The following SLC35F1 variants were observed in gnomAD, a reference collection of about 807,000 sequenced individuals.
The protein encoded by SLC35F1 is solute carrier family 35 member F1, also known as chromosome 6 open reading frame 169.
Under a neutral mutation model 48.7 loss-of-function variants are expected in SLC35F1, and 14 were observed. The observed-to-expected ratio is 0.29, with a 90% CI of 0.19 to 0.45. The LOEUF (loss-of-function observed/expected upper bound fraction) is 0.45. SLC35F1 is among the 20% of genes least tolerant of loss of function. The pLI, the probability that SLC35F1 is intolerant of heterozygous loss-of-function variation, is 1.00. For missense variants in SLC35F1, 404 were observed against 500.0 expected (o/e 0.81, Z 1.83); for synonymous variants, 190 against 202.2 (o/e 0.94, Z 0.51).
intron 1 of SLC35F1, among the ~76,000 whole-genome samples, chr6:117,975,922 C>T (rs1277301039): frequency 6.6e-6 from 1 of 152,164 alleles, no homozygotes; most frequent in Non-Finnish European, 1.5e-5. Flanking sequence ...ACATCGTACT[C>T]GCCAAAAGGT....
At chr6:118,083,236 T>G (rs1046271196) in intron 1 of SLC35F1, among the ~76,000 whole-genome samples, 2 of 152,170 alleles carry the variant, frequency 1.3e-5, no homozygotes, top group African/African-American at 4.8e-5. Context: ...AAATTTTACT[T>G]CATTTAATAT....
chr6:118,239,839 A>G (rs922570270), intron 3 of SLC35F1, among the ~76,000 whole-genome samples: 6 of 152,226 alleles, frequency 3.9e-5, no homozygotes, highest in African/African-American at 1.4e-4. Context: ...TAAAAAGGCA[A>G]GTTGAATCTA....
chr6:118,167,224 C>G (rs547246982), intron 2 of SLC35F1, among the ~76,000 whole-genome samples: 2 of 152,272 alleles, frequency 1.3e-5, no homozygotes, highest in Admixed American at 1.3e-4. Context: ...GTCCCTGTAA[C>G]TGCGCAAGAG....
intron 2 of SLC35F1, among the ~76,000 whole-genome samples, chr6:118,232,209 G>A (rs1582742675): frequency 6.6e-6 from 1 of 152,162 alleles, no homozygotes; most frequent in Admixed American, 6.5e-5. Flanking sequence ...GTGTAATAGA[G>A]TGAAGAAAGT....
At chr6:118,010,225 A>T (rs2114875550) in intron 1 of SLC35F1, among the ~76,000 whole-genome samples, 1 of 152,292 alleles carries the variant, frequency 6.6e-6, no homozygotes, top group Non-Finnish European at 1.5e-5. Flanking sequence ...TCCCAGACCT[A>T]AGTATAAATC....
intron 4 of SLC35F1, among the ~76,000 whole-genome samples, chr6:118,268,584 G>GTGTATATATATATATATA (rs1554242737): frequency 1.5e-5 from 1 of 67,274 alleles, no homozygotes; most frequent in Non-Finnish European, 2.9e-5. Flanking sequence ...TCATATATAT[G>GTGTATATATATATATATA]TATATATATA....
At chr6:118,310,537 C>A (rs1776361485) in intron 7 of SLC35F1, among the ~76,000 whole-genome samples, 3 of 151,434 alleles carry the variant, frequency 2.0e-5, no homozygotes, top group South Asian at 2.1e-4. Flanking sequence ...AAAATAAAAC[C>A]TTTCTGTCAA....
intron 1 of SLC35F1, among the ~76,000 whole-genome samples, chr6:118,132,444 A>G (rs1773727752): frequency 6.6e-6 from 1 of 152,160 alleles, no homozygotes; most frequent in Non-Finnish European, 1.5e-5. Context: ...CTTGCTGACT[A>G]TGTGATCTTG....
intron 1 of SLC35F1, among the ~76,000 whole-genome samples, chr6:117,942,570 C>A (rs1776245739): frequency 6.6e-6 from 1 of 152,156 alleles, no homozygotes; most frequent in Non-Finnish European, 1.5e-5. Context: ...TTTTGTATAG[C>A]TTTTAAAACA....
In SLC35F1 at chr6:118,081,919, A is replaced by G. The variant is rs755656553; in HGVS notation, c.174-72526A>G. Among the ~76,000 whole-genome samples the G allele has an allele frequency of 4.9e-4, 75 of 152,350 alleles. 1 individual carries two copies. Among genetic ancestry groups the G allele is most frequent in the Non-Finnish European group, 2.4e-4 (16 of 68,026 alleles). On this transcript the variant is annotated intron_variant, in intron 1 of 7. Coordinates refer to ENST00000360388, the MANE Select transcript of SLC35F1 (RefSeq NM_001029858.4). ...CAGTAGTTCTCACACCTGAATGGTC[A>G]TCAGAATCACCTGGGGAGCCATAAA...
intron 2 of SLC35F1, among the ~76,000 whole-genome samples, chr6:118,201,005 C>A (rs1372926611): frequency 6.6e-6 from 1 of 152,170 alleles, no homozygotes; most frequent in Non-Finnish European, 1.5e-5. Context: ...CCCGCCTCAA[C>A]CTCCTGAGCG....
chr6:118,316,578 AG>A lies in SLC35F1; in HGVS notation c.*2327del, dbSNP rs1776440163. On this transcript the variant is annotated 3_prime_UTR_variant, in exon 8 of 8. Transcript: ENST00000360388. Reference sequence around the variant, plus strand: ...TTATGACATTAATTTGTAGACACTTAGTAAAGTCTTATGAGAAGCAAGTGGA... The same window carrying A: ...TTATGACATTAATTTGTAGACACTTATAAAGTCTTATGAGAAGCAAGTGGA... The A allele has an allele frequency of 6.5e-6, 1 of 152,676 alleles. No individual in the cohort carries two copies. The highest frequency in any genetic ancestry group is 2.4e-5 in the African/African-American group (1 of 41,462). The allele number at this position is 152,676 out of a possible 1,614,324, so 9.5% of individuals were successfully genotyped here. A position where few individuals can be genotyped will look rare whatever the true frequency, so the allele number is the denominator to read the frequency against.
intron 2 of SLC35F1, among the ~76,000 whole-genome samples, chr6:118,206,129 A>G (rs1449131100): frequency 1.3e-5 from 2 of 152,236 alleles, no homozygotes; most frequent in East Asian, 3.8e-4. Context: ...ATGCCAATGA[A>G]TTATACACTT....
chr6:118,147,833 A>G (rs1392223542), intron 1 of SLC35F1, among the ~76,000 whole-genome samples: 1 of 152,210 alleles, frequency 6.6e-6, no homozygotes, highest in Non-Finnish European at 1.5e-5. Flanking sequence ...GAAAAACAAA[A>G]TGGATACCAT....
chr6:117,941,659 A>T (rs934491109), intron 1 of SLC35F1, among the ~76,000 whole-genome samples: 2 of 152,236 alleles, frequency 1.3e-5, no homozygotes, highest in Middle Eastern at 3.2e-3. Flanking sequence ...TTGGTTACTA[A>T]TATTGCAATA....
chr6:118,141,608 G>A (rs1386966416), intron 1 of SLC35F1, among the ~76,000 whole-genome samples: 5 of 152,126 alleles, frequency 3.3e-5, no homozygotes, highest in Admixed American at 2.6e-4. Context: ...TCCTCACATG[G>A]CAGAAAGAGG....
At chr6:117,949,141 A>G (rs986631307) in intron 1 of SLC35F1, among the ~76,000 whole-genome samples, 3 of 152,208 alleles carry the variant, frequency 2.0e-5, no homozygotes, top group African/African-American at 7.2e-5. Flanking sequence ...GTCCTGAGGC[A>G]TGGAAAGATT....
intron 1 of SLC35F1, among the ~76,000 whole-genome samples, chr6:118,016,522 T>C (rs1366707450): frequency 2.0e-5 from 3 of 152,330 alleles, no homozygotes; most frequent in Admixed American, 6.5e-5. Flanking sequence ...GAAAGTAGCA[T>C]GATTTATGTC....
At chr6:118,235,772 A>G (rs948323842) in intron 3 of SLC35F1, 136 bp downstream of exon 3, 3 of 746,278 alleles carry the variant, frequency 4.0e-6, no homozygotes, top group Non-Finnish European at 5.7e-6. Flanking sequence ...CAGTATACAG[A>G]TTCTGTATAC....
Sources: allele counts gnomAD v4.1 joint callset (sites outside exome capture counted in the v4.1 genomes callset), GRCh38; gene constraint gnomAD v4.1.1; transcripts MANE v1.5; gene names NCBI Gene and HGNC (gene_info 2026-07-23, HGNC 2026-07-21).